The following RSU1 variants were observed in gnomAD, a reference collection of about 807,000 sequenced individuals.
The protein encoded by RSU1 is Ras suppressor protein 1.
In RSU1, 26 loss-of-function variants were observed where a neutral mutation model predicts 31.1. The ratio of observed to expected loss-of-function variants is 0.84; its 90% CI spans 0.61 to 1.16. The LOEUF is 1.16. Among genes scored for constraint, RSU1 ranks in the 50% most tolerant of loss-of-function variants. The pLI is 0.00. For synonymous variants in RSU1, 164 were observed against 136.3 expected, an observed-to-expected ratio of 1.20 and a Z score of -1.41; for missense variants, 320 against 339.1, an observed-to-expected ratio of 0.94 and a Z score of 0.44.
At chr10:16,603,313 ATC>A (rs1457240321) in intron 8 of RSU1, among the ~76,000 whole-genome samples, 1 of 152,224 alleles carries the variant, frequency 6.6e-6, no homozygotes, top group Admixed American at 6.5e-5. Context: ...TAGACTCACG[ATC>A]TGCCCCACTG....
chr10:16,637,450 C>T (rs1477223823), intron 8 of RSU1, among the ~76,000 whole-genome samples: 1 of 151,020 alleles, frequency 6.6e-6, no homozygotes, highest in African/African-American at 2.5e-5. Context: ...TTGTCATTTT[C>T]CTAAGGATTT....
chr10:16,782,470 T>C (rs1480967831), intron 2 of RSU1, among the ~76,000 whole-genome samples: 2 of 152,156 alleles, frequency 1.3e-5, no homozygotes, highest in Admixed American at 1.3e-4. Context: ...TACCTTGTGC[T>C]AAAAAATTTT....
chr10:16,620,321 C>A (rs59414623), intron 8 of RSU1, among the ~76,000 whole-genome samples: 5,257 of 152,058 alleles, frequency 0.035, 305 homozygotes, highest in African/African-American at 0.12. Flanking sequence ...TAATTTCTCA[C>A]GGAGTTTTCT....
chr10:16,615,121 C>T (rs1336330361), intron 8 of RSU1, among the ~76,000 whole-genome samples: 1 of 151,948 alleles, frequency 6.6e-6, no homozygotes, highest in African/African-American at 2.4e-5. Context: ...CATTGGTGTG[C>T]TGTATTCAGG....
chr10:16,816,978 C>A lies in RSU1; in HGVS notation c.104G>T (p.Gly35Val). Residue 35 changes from glycine (G) to valine (V), a missense_variant, in exon 2 of 9, where the codon GGC (glycine) becomes GTC (valine). Coordinates refer to ENST00000345264, the MANE Select transcript of RSU1 (RefSeq NM_012425.4). Reference sequence around the variant, plus strand: ...AGTCCTGCCCGAGAACTCACAGAGGCCGTTGACATCCAGCATGTTGGAGAT... The same window carrying A: ...AGTCCTGCCCGAGAACTCACAGAGGACGTTGACATCCAGCATGTTGGAGAT... The part of the protein sequence containing the change: ...RGISNMLDVN[G>V]LFTLSHITQL... 3 of 1,611,876 alleles carry A rather than the reference C, an allele frequency of 1.9e-6. No individual in the cohort carries two copies. Among genetic ancestry groups the A allele is most frequent in the Non-Finnish European group, 2.5e-6 (3 of 1,177,904 alleles).
chr10:16,780,670 T>G, intron 3 of RSU1, among the ~76,000 whole-genome samples: 1 of 152,234 alleles, frequency 6.6e-6, no homozygotes, highest in East Asian at 1.9e-4. Context: ...TGTCAGTTAT[T>G]ACTGCTCACA....
intron 8 of RSU1, among the ~76,000 whole-genome samples, chr10:16,694,003 G>A (rs1168563017): frequency 4.6e-5 from 7 of 152,050 alleles, no homozygotes; most frequent in African/African-American, 1.4e-4. Flanking sequence ...TTGGGGTCAG[G>A]CAAGTATTTG....
intron 2 of RSU1, among the ~76,000 whole-genome samples, chr10:16,795,971 C>T (rs1377524939): frequency 6.6e-6 from 1 of 152,164 alleles, no homozygotes; most frequent in Non-Finnish European, 1.5e-5. Context: ...ATACTTCTCA[C>T]CTGAACCTGG....
intron 8 of RSU1, among the ~76,000 whole-genome samples, chr10:16,655,961 T>C (rs921576485): frequency 4.6e-5 from 7 of 152,192 alleles, no homozygotes; most frequent in Non-Finnish European, 8.8e-5. Context: ...TTATATTGAA[T>C]ACTACTGTGA....
intron 2 of RSU1, among the ~76,000 whole-genome samples, chr10:16,792,305 T>C (rs889192937): frequency 5.3e-5 from 8 of 152,222 alleles, no homozygotes; most frequent in Admixed American, 1.3e-4. Context: ...CAGTCTCGGC[T>C]CACTACAACC....
intron 8 of RSU1, among the ~76,000 whole-genome samples, chr10:16,605,298 T>C (rs978779015): frequency 5.3e-5 from 8 of 152,186 alleles, no homozygotes; most frequent in African/African-American, 1.9e-4. Flanking sequence ...CATCTAGTTA[T>C]TTATTTGATG....
chr10:16,714,618 G>A (rs917997427), intron 7 of RSU1, among the ~76,000 whole-genome samples: 2 of 152,060 alleles, frequency 1.3e-5, no homozygotes, highest in African/African-American at 4.8e-5. Context: ...GGGGGGATGT[G>A]GTGTGTCACT....
chr10:16,753,453 CT>C (rs1837020152), intron 5 of RSU1, among the ~76,000 whole-genome samples: 1 of 152,176 alleles, frequency 6.6e-6, no homozygotes, highest in Admixed American at 6.5e-5. Context: ...GTAAATAGCA[CT>C]GTGTTACAAA....
chr10:16,613,587 A>G (rs553153050), intron 8 of RSU1, among the ~76,000 whole-genome samples: 1 of 152,346 alleles, frequency 6.6e-6, no homozygotes, highest in Non-Finnish European at 1.5e-5. Flanking sequence ...ACTGGCAGAC[A>G]TCAAGAATCT....
intron 8 of RSU1, among the ~76,000 whole-genome samples, chr10:16,651,247 T>TA (rs1834679839): frequency 6.6e-6 from 1 of 152,228 alleles, no homozygotes. Flanking sequence ...GCAACCTCTT[T>TA]ATTCTCTTGT....
chr10:16,692,400 T>C (rs1835577259), intron 8 of RSU1, among the ~76,000 whole-genome samples: 1 of 151,964 alleles, frequency 6.6e-6, no homozygotes, highest in Non-Finnish European at 1.5e-5. Context: ...TCTCATCCTC[T>C]ATAAATTATA....
chr10:16,800,105 C>T (rs1838120791), intron 2 of RSU1, among the ~76,000 whole-genome samples: 1 of 152,074 alleles, frequency 6.6e-6, no homozygotes, highest in South Asian at 2.1e-4. Flanking sequence ...CCCTCTGACA[C>T]CCAAAGCTAC....
chr10:16,793,014 C>T (rs796639305), intron 2 of RSU1, among the ~76,000 whole-genome samples: 7 of 152,258 alleles, frequency 4.6e-5, no homozygotes, highest in Non-Finnish European at 7.4e-5. Context: ...GATCTACTTA[C>T]GTATGCAGGT....
At chr10:16,739,697 C>T (rs905035976) in intron 7 of RSU1, among the ~76,000 whole-genome samples, 1 of 151,966 alleles carries the variant, frequency 6.6e-6, no homozygotes, top group Admixed American at 6.6e-5. Context: ...CAGCTCACTC[C>T]ACTTCCTGGG....
Sources: gnomAD v4.1 joint callset for allele counts (sites outside exome capture counted in the v4.1 genomes callset) on GRCh38, gnomAD v4.1.1 for gene constraint, MANE v1.5 for transcripts, NCBI Gene and HGNC (gene_info 2026-07-23, HGNC 2026-07-21) for gene names.